PCSK5: variants seen among roughly 807,000 people sequenced by gnomAD.
PCSK5 encodes the protein prohormone convertase 5.
Under a neutral mutation model 233.2 loss-of-function variants are expected in PCSK5, and 129 were observed. That is an observed-to-expected ratio of 0.55 (90% confidence interval 0.48 to 0.64). PCSK5 has a LOEUF of 0.64. PCSK5 is among the 30% of genes least tolerant of loss of function. The pLI is 0.00. For missense variants in PCSK5, 2,076 were observed against 2,430.1 expected, an observed-to-expected ratio of 0.85 and a Z score of 3.06; for synonymous variants, 825 against 879.2, an observed-to-expected ratio of 0.94 and a Z score of 1.09.
intron 3 of PCSK5, among the ~76,000 whole-genome samples, chr9:76,001,936 G>A (rs968299132): frequency 7.9e-5 from 12 of 152,086 alleles, no homozygotes; most frequent in African/African-American, 2.7e-4. Context: ...CATTAAATTC[G>A]TTCTATCCTC....
At chr9:76,160,698 T>C (rs539630133) in intron 12 of PCSK5, among the ~76,000 whole-genome samples, 50 of 152,004 alleles carry the variant, frequency 3.3e-4, no homozygotes, top group Non-Finnish European at 6.2e-4. Flanking sequence ...TCATCTACTA[T>C]AGGACAGTGA....
chr9:76,283,908 G>C (rs539263809), intron 24 of PCSK5, among the ~76,000 whole-genome samples: 18 of 152,298 alleles, frequency 1.2e-4, no homozygotes, highest in African/African-American at 4.3e-4. Flanking sequence ...CGTCTATAAA[G>C]AAGGGCTGGA....
chr9:76,275,835 A>G (rs963819866), intron 24 of PCSK5, among the ~76,000 whole-genome samples: 4 of 152,210 alleles, frequency 2.6e-5, no homozygotes, highest in East Asian at 3.8e-4. Context: ...TCTCCATTCT[A>G]TCATTCGCCA....
Position 76,184,674 on chromosome 9 carries a change from GA to G in PCSK5, c.2204del (p.Asn735IlefsTer26). ...CPDGSYQDTK[K>X]NLCRKCSENC... ...ACAACTTTCTCTTTTTTTTAACAGA[GA>G]AAAATCTTTGCCGGAAATGCAGTGA... On this transcript the variant is annotated frameshift_variant and splice_region_variant, in exon 17 of 38. Coordinates refer to ENST00000674117, the MANE Select transcript of PCSK5 (RefSeq NM_001372043.1). LOFTEE classifies it high-confidence loss of function. 1 of 1,601,948 alleles carries G rather than the reference GA, an allele frequency of 6.2e-7. No individual in the cohort carries two copies. The highest frequency in any genetic ancestry group is 8.5e-7 in the Non-Finnish European group (1 of 1,171,212).
chr9:76,001,468 C>CTTTTTTTTTTTTTTT (rs34379742), intron 3 of PCSK5, among the ~76,000 whole-genome samples: 1 of 87,138 alleles, frequency 1.1e-5, no homozygotes, highest in Non-Finnish European at 2.1e-5. Context: ...ACCATCATAG[C>CTTTTTTTTTTTTTTT]TTTTTTTTTT....
At chr9:75,991,739 C>G (rs1205890918) in intron 3 of PCSK5, among the ~76,000 whole-genome samples, 1 of 152,012 alleles carries the variant, frequency 6.6e-6, no homozygotes, top group South Asian at 2.1e-4. Context: ...TACAGTGGCC[C>G]GTTTTTTCAC....
In PCSK5 at chr9:76,169,848, C is replaced by A. The variant is rs781392166; in HGVS notation, c.1756+8C>A. On this transcript the variant is annotated splice_region_variant and intron_variant, in intron 13 of 37. Transcript: ENST00000674117. ...GGAACTTTAAGACTCCAGGTGAGAA[C>A]TCCCTTTCTATACATTGTTCTACTG... is the stretch of plus-strand genomic sequence containing the variant. 1 of 1,611,344 alleles carries A rather than the reference C, an allele frequency of 6.2e-7. No individual in the cohort carries two copies. Among genetic ancestry groups the A allele is most frequent in the East Asian group, 2.2e-5 (1 of 44,832 alleles).
chr9:76,207,102 A>T (rs561418784), intron 20 of PCSK5, among the ~76,000 whole-genome samples: 17 of 152,306 alleles, frequency 1.1e-4, no homozygotes, highest in African/African-American at 4.1e-4. Flanking sequence ...CTTCTTCTGT[A>T]GTAAATTCTC....
chr9:75,915,100 A>G (rs982551687), intron 1 of PCSK5, among the ~76,000 whole-genome samples: 4 of 152,182 alleles, frequency 2.6e-5, no homozygotes, highest in Admixed American at 6.5e-5. Context: ...TCCTAGGGGA[A>G]GTTAGAAGGC....
intron 2 of PCSK5, among the ~76,000 whole-genome samples, chr9:75,953,871 G>T (rs1824978007): frequency 6.6e-6 from 1 of 152,108 alleles, no homozygotes; most frequent in African/African-American, 2.4e-5. Context: ...GAGTTGAGTA[G>T]AGATGGCATT....
At chr9:75,956,180 G>T (rs987770283) in intron 2 of PCSK5, among the ~76,000 whole-genome samples, 1 of 152,176 alleles carries the variant, frequency 6.6e-6, no homozygotes, top group African/African-American at 2.4e-5. Context: ...TGCCCTGTTT[G>T]TTACCTTCTG....
intron 17 of PCSK5, among the ~76,000 whole-genome samples, chr9:76,187,165 A>T (rs934876132): frequency 3.3e-5 from 5 of 152,160 alleles, no homozygotes; most frequent in Admixed American, 2.0e-4. Context: ...TTAATTTTTT[A>T]AATTAGCATT....
Position 75,891,032 on chromosome 9 carries a change from G to A in PCSK5, c.-150G>A. On this transcript the variant is annotated 5_prime_UTR_variant, in exon 1 of 38. Transcript: ENST00000674117. The stretch of plus-strand genomic sequence containing the variant: ...GGCTCGCTGCTCTGCTCCCTGCCGG[G>A]GCTAGCCGCCTCCTGCCGATCGCCC... 1.8e-6 allele frequency: 1 copy of A among 541,736 alleles called. No individual in the cohort carries two copies. The highest frequency in any genetic ancestry group is 2.9e-6 in the Non-Finnish European group (1 of 343,338). 33.6% of individuals were successfully genotyped at this position (541,736 alleles called of 1,614,324 possible). A position where few individuals can be genotyped will look rare whatever the true frequency, so the allele number is the denominator to read the frequency against.
intron 24 of PCSK5, among the ~76,000 whole-genome samples, chr9:76,254,528 A>C (rs1227838695): frequency 6.6e-6 from 1 of 151,704 alleles, no homozygotes; most frequent in African/African-American, 2.4e-5. Context: ...CACTTCTTTT[A>C]TCTCTGGCAA....
At chr9:76,351,453 A>AAAGAAAG (rs1324008461) in intron 36 of PCSK5, among the ~76,000 whole-genome samples, 1 of 19,950 alleles carries the variant, frequency 5.0e-5, no homozygotes, top group Non-Finnish European at 1.1e-4. Flanking sequence ...GAAAGGAAAG[A>AAAGAAAG]AAGAAAGAAA....
intron 21 of PCSK5, among the ~76,000 whole-genome samples, chr9:76,230,405 G>A (rs1279856970): frequency 2.0e-5 from 3 of 152,194 alleles, no homozygotes; most frequent in Non-Finnish European, 4.4e-5. Flanking sequence ...ACATGGAAGG[G>A]TTCTATATCT....
chr9:76,295,735 G>A (rs1362380947), intron 26 of PCSK5, among the ~76,000 whole-genome samples: 2 of 152,208 alleles, frequency 1.3e-5, no homozygotes, highest in Non-Finnish European at 2.9e-5. Flanking sequence ...CATATTGAGA[G>A]CTCTGACCCT....
intron 20 of PCSK5, among the ~76,000 whole-genome samples, chr9:76,206,086 G>A (rs886129245): frequency 6.6e-6 from 1 of 152,168 alleles, no homozygotes; most frequent in Non-Finnish European, 1.5e-5. Context: ...GGGACAGCCT[G>A]TTCAAACACA....
intron 10 of PCSK5, among the ~76,000 whole-genome samples, chr9:76,148,364 TCTCTCTCC>T (rs1564062076): frequency 3.5e-5 from 5 of 144,780 alleles, no homozygotes; most frequent in Admixed American, 7.1e-5. Flanking sequence ...TCTCTCTCCC[TCTCTCTCC>T]CTCTCTCCTT....
Sources: gnomAD v4.1 joint callset for allele counts (sites outside exome capture counted in the v4.1 genomes callset) on GRCh38, gnomAD v4.1.1 for gene constraint, MANE v1.5 for transcripts, NCBI Gene and HGNC (gene_info 2026-07-23, HGNC 2026-07-21) for gene names.